The following RUBCN variants were observed in gnomAD, a reference collection of about 807,000 sequenced individuals.
RUBCN encodes the protein run domain Beclin-1-interacting and cysteine-rich domain-containing protein.
RUBCN carries 74 observed loss-of-function variants against 113.2 expected under a neutral mutation model. The ratio of observed to expected loss-of-function variants is 0.65; its 90% CI spans 0.54 to 0.79. RUBCN has a LOEUF of 0.79. Among genes scored for constraint, RUBCN ranks in the 30% least tolerant of loss-of-function variants. RUBCN has a pLI of 0.00. For synonymous variants in RUBCN, 480 were observed against 490.0 expected, an observed-to-expected ratio of 0.98 and a Z score of 0.27; for missense variants, 1,109 against 1,251.7, an observed-to-expected ratio of 0.89 and a Z score of 1.72.
intron 2 of RUBCN, among the ~76,000 whole-genome samples, 153 bp downstream of exon 2, chr3:197,717,824 T>C (rs769831022): frequency 3.9e-5 from 6 of 152,214 alleles, no homozygotes; most frequent in Non-Finnish European, 8.8e-5. Context: ...TCAGACACGA[T>C]GTGAAACGTT....
At chr3:197,689,623 C>T (rs894942604) in intron 11 of RUBCN, among the ~76,000 whole-genome samples, 15 of 151,984 alleles carry the variant, frequency 9.9e-5, no homozygotes, top group African/African-American at 2.9e-4. Flanking sequence ...CAATGACAGT[C>T]GTTCAGGAGT....
At position 197,687,171 on chromosome 3, in the gene RUBCN, A is replaced by G. The variant is rs960484535; in HGVS notation, c.1787-2954T>C. Among the ~76,000 whole-genome samples, 10 of 152,196 alleles carry G rather than the reference A, an allele frequency of 6.6e-5. No individual in the cohort carries two copies. In the South Asian group the frequency reaches 8.3e-4, roughly 13 times the overall value. ...TTTCTAGAAGATAAGGTGATACCCA[A>G]CGTATCTGGGAATCCAACTTCAACA... On this transcript the variant is annotated intron_variant, in intron 11 of 19. Coordinates refer to ENST00000296343, the MANE Select transcript of RUBCN (RefSeq NM_014687.4).
intron 11 of RUBCN, among the ~76,000 whole-genome samples, chr3:197,684,956 CCTTAGAAAAG>C (rs1721678245): frequency 6.6e-6 from 1 of 152,126 alleles, no homozygotes; most frequent in African/African-American, 2.4e-5. Context: ...TCTTCTATAT[CCTTAGAAAAG>C]CTTCATGGAG....
intron 2 of RUBCN, among the ~76,000 whole-genome samples, chr3:197,710,823 A>AC (rs931488261): frequency 6.6e-5 from 10 of 151,928 alleles, no homozygotes; most frequent in Non-Finnish European, 1.3e-4. Flanking sequence ...GTAATCTTTT[A>AC]CTTTTTTTTT....
chr3:197,691,180 T>G, intron 11 of RUBCN: 61 of 1,043,192 alleles, frequency 5.8e-5, no homozygotes, highest in Non-Finnish European at 7.3e-5. Flanking sequence ...AGGGGGCCCT[T>G]AGTATTCCAG....
At chr3:197,698,867 A>C (rs1265155253) in intron 7 of RUBCN, among the ~76,000 whole-genome samples, 1 of 151,700 alleles carries the variant, frequency 6.6e-6, no homozygotes, top group African/African-American at 2.4e-5. Context: ...AAAATTTAAA[A>C]AAAGAAAAAA....
intron 5 of RUBCN, 77 bp downstream of exon 5, chr3:197,703,471 A>G: frequency 1.2e-6 from 1 of 826,996 alleles, no homozygotes; most frequent in East Asian, 2.7e-5. Context: ...TAAGTGAAAA[A>G]GTTTGCTGTA....
At chr3:197,682,393 A>G (rs1165987857) in intron 14 of RUBCN, 77 bp downstream of exon 14, 1 of 1,553,038 alleles carries the variant, frequency 6.4e-7, no homozygotes, top group Non-Finnish European at 8.8e-7. Flanking sequence ...GGCAGGGACA[A>G]GTGGGTGAGA....
At chr3:197,738,563 C>G (rs1303489072), upstream of RUBCN, among the ~76,000 whole-genome samples, 1 of 152,082 alleles carries the variant, frequency 6.6e-6, no homozygotes, top group Non-Finnish European at 1.5e-5. Flanking sequence ...CAATATTACT[C>G]ATTGGGATTT....
Position 197,669,527 on chromosome 3 carries a change from C to G in RUBCN, c.*5491G>C, listed in dbSNP as rs1560383712. Reference sequence around the variant, plus strand: ...TGAATGAATGTCAGGGAAGATGTACCCCTTTCATTGTATTAGTAGGTACAT... The same window carrying G: ...TGAATGAATGTCAGGGAAGATGTACGCCTTTCATTGTATTAGTAGGTACAT... On this transcript the variant is annotated 3_prime_UTR_variant, in exon 20 of 20. Transcript: ENST00000296343. Among the ~76,000 whole-genome samples the G allele has an allele frequency of 6.6e-6, 1 of 152,128 alleles. No homozygotes were observed. Among genetic ancestry groups the G allele is most frequent in the African/African-American group, 2.4e-5 (1 of 41,406 alleles).
intron 7 of RUBCN, among the ~76,000 whole-genome samples, chr3:197,698,370 A>G (rs1325278896): frequency 6.6e-6 from 1 of 152,254 alleles, no homozygotes; most frequent in African/African-American, 2.4e-5. Flanking sequence ...TGCCTTGCAG[A>G]CACATTCCAG....
Position 197,682,592 on chromosome 3 carries a change from C to T in RUBCN, c.2004G>A (p.Leu668=). The T allele has an allele frequency of 4.3e-6, 7 of 1,613,944 alleles. No homozygotes were observed. Among genetic ancestry groups the T allele is most frequent in the Non-Finnish European group, 5.1e-6 (6 of 1,179,998 alleles). ...PQKLLPIPDS[L]PISPDDGQHA... ...GCTGCCCGTCATCCGGTGAGATGGG[C>T]AGTGAGTCAGGAATGGGCAGGAGCT... Residue 668 remains leucine (L), a synonymous_variant, in exon 14 of 20, where the codon CTG becomes CTA. Transcript: ENST00000296343.
chr3:197,735,243 T>G (rs1727986041), intron 1 of RUBCN, among the ~76,000 whole-genome samples: 1 of 152,098 alleles, frequency 6.6e-6, no homozygotes, highest in African/African-American at 2.4e-5. Context: ...CAAAAAAGTT[T>G]TTTAAAGTAG....
rs190756210 is a variant in RUBCN at position 197,702,429 on chromosome 3, A to G, written c.571-565T>C. On this transcript the variant is annotated intron_variant, in intron 5 of 19. Transcript: ENST00000296343. ...TGTAATCCCAGCACTTTGGGAGGCCAAGGCGGGCAAATCACTTGAGGTCAG... is the reference window on the plus strand; with the variant it reads ...TGTAATCCCAGCACTTTGGGAGGCCGAGGCGGGCAAATCACTTGAGGTCAG... 6.1e-4 allele frequency among the ~76,000 whole-genome samples: 93 copies of G among 152,262 alleles called. 2 individuals are homozygous for G. The South Asian group carries it at 9.5e-3, about 16-fold the overall frequency.
rs1241883965 is a variant in RUBCN, at chr3:197,673,375, T to C, written c.*1643A>G. On this transcript the variant is annotated 3_prime_UTR_variant, in exon 20 of 20. Coordinates refer to ENST00000296343, the MANE Select transcript of RUBCN (RefSeq NM_014687.4). ...ACTCCTTCTTACCGCCAGCTCAAGCTCTCATCAGCTTCCACCAACCACAGG... is the reference window on the plus strand; with the variant it reads ...ACTCCTTCTTACCGCCAGCTCAAGCCCTCATCAGCTTCCACCAACCACAGG... 1.3e-5 allele frequency: 2 copies of C among 152,384 alleles called. No homozygotes were observed. Among genetic ancestry groups the C allele is most frequent in the Non-Finnish European group, 2.9e-5 (2 of 68,202 alleles). 9.4% of individuals were successfully genotyped at this position (152,384 alleles called of 1,614,324 possible).
At chr3:197,723,995 G>A (rs1364658660) in intron 1 of RUBCN, among the ~76,000 whole-genome samples, 2 of 152,280 alleles carry the variant, frequency 1.3e-5, no homozygotes, top group East Asian at 1.9e-4. Context: ...CTACTCGAGA[G>A]GCTGAGGCAG....
intron 1 of RUBCN, among the ~76,000 whole-genome samples, chr3:197,729,106 A>C (rs866666147): frequency 3.3e-5 from 5 of 149,872 alleles, no homozygotes; most frequent in Middle Eastern, 3.5e-3. Flanking sequence ...AGATTGTGCT[A>C]CTGCTTTCTG....
chr3:197,703,020 G>C (rs1723853598), intron 5 of RUBCN, among the ~76,000 whole-genome samples: 1 of 151,960 alleles, frequency 6.6e-6, no homozygotes, highest in African/African-American at 2.4e-5. Context: ...CCACTCCCCA[G>C]CTTAGGTCTA....
intron 1 of RUBCN, among the ~76,000 whole-genome samples, chr3:197,744,617 C>T (rs1481585017): frequency 6.6e-6 from 1 of 152,078 alleles, no homozygotes; most frequent in African/African-American, 2.4e-5. Context: ...TTTCACTACT[C>T]CAATTAAACA....
Sources: gnomAD v4.1 joint callset for allele counts (sites outside exome capture counted in the v4.1 genomes callset) on GRCh38, gnomAD v4.1.1 for gene constraint, MANE v1.5 for transcripts, NCBI Gene and HGNC (gene_info 2026-07-23, HGNC 2026-07-21) for gene names.